DCAF16: variants seen among roughly 807,000 people sequenced by gnomAD.
DCAF16 encodes DDB1 and CUL4 associated factor 16, also known as DDB1- and CUL4-associated factor 16.
In DCAF16, 10 loss-of-function variants were observed where a neutral mutation model predicts 17.3. The observed-to-expected ratio is 0.58, with a 90% CI of 0.36 to 0.98. DCAF16 has a LOEUF of 0.98. DCAF16 is among the 50% of genes least tolerant of loss of function. The pLI is 0.01. For missense variants in DCAF16, 249 were observed against 247.6 expected, an observed-to-expected ratio of 1.01 and a Z score of -0.04; for synonymous variants, 111 against 92.8, an observed-to-expected ratio of 1.20 and a Z score of -1.12.
intron 1 of DCAF16, among the ~76,000 whole-genome samples, chr4:17,806,012 T>C (rs1720290262): frequency 6.6e-6 from 1 of 152,194 alleles, no homozygotes; most frequent in Admixed American, 6.5e-5. Context: ...AAGATAACCA[T>C]GTTGACTGAG....
At chr4:17,793,612 T>C in the DCAF16 span, among the ~76,000 whole-genome samples, 9 of 152,178 alleles carry the variant, frequency 5.9e-5, no homozygotes, top group African/African-American at 1.7e-4. Flanking sequence ...CAATATATAC[T>C]GTATGATTCC....
downstream of DCAF16, among the ~76,000 whole-genome samples, chr4:17,799,306 TGGA>T (rs1489887484): frequency 6.6e-6 from 1 of 152,138 alleles, no homozygotes; most frequent in Non-Finnish European, 1.5e-5. Flanking sequence ...GGCCAACATA[TGGA>T]TTAGGGTTTA....
At chr4:17,805,462 C>T (rs762646103) in intron 1 of DCAF16, among the ~76,000 whole-genome samples, 1 of 151,806 alleles carries the variant, frequency 6.6e-6, no homozygotes, top group Non-Finnish European at 1.5e-5. Context: ...GTATAAATTA[C>T]CAGAACTAAA....
chr4:17,807,660 T>G (rs942770571), intron 1 of DCAF16, among the ~76,000 whole-genome samples: 1 of 152,220 alleles, frequency 6.6e-6, no homozygotes, highest in Non-Finnish European at 1.5e-5. Flanking sequence ...TTAGAAGCAT[T>G]CTAGGTTCCT....
intron 1 of DCAF16, among the ~76,000 whole-genome samples, chr4:17,807,958 T>A: frequency 6.6e-6 from 1 of 152,300 alleles, no homozygotes; most frequent in African/African-American, 2.4e-5. Context: ...GTCTGGCATA[T>A]ATGAGTGGCT....
At chr4:17,798,732 C>T (rs1055709092), downstream of DCAF16, among the ~76,000 whole-genome samples, 2 of 152,208 alleles carry the variant, frequency 1.3e-5, no homozygotes, top group Non-Finnish European at 2.9e-5. Context: ...TATCCTCATC[C>T]TTTCCATTTC....
downstream of DCAF16, among the ~76,000 whole-genome samples, chr4:17,798,652 C>T (rs1719543909): frequency 6.6e-6 from 1 of 152,034 alleles, no homozygotes; most frequent in East Asian, 1.9e-4. Flanking sequence ...TTTTCCAGAG[C>T]TCATTGAGAA....
downstream of DCAF16, among the ~76,000 whole-genome samples, chr4:17,800,446 A>T (rs1719661592): frequency 6.6e-6 from 1 of 152,104 alleles, no homozygotes; most frequent in Admixed American, 6.5e-5. Flanking sequence ...ATAAACAAAT[A>T]AGCTCACTTT....
At chr4:17,796,120 G>C (rs1719414766), downstream of DCAF16, among the ~76,000 whole-genome samples, 2 of 152,196 alleles carry the variant, frequency 1.3e-5, no homozygotes, top group African/African-American at 4.8e-5. Context: ...TAAGGCTTCA[G>C]TCATCTGCTA....
At chr4:17,809,685 AAATTAACCT>A (rs1720685430) in intron 1 of DCAF16, 2 of 152,174 alleles carry the variant, frequency 1.3e-5, no homozygotes, top group Non-Finnish European at 2.9e-5. Flanking sequence ...GCTGGGTTAC[AAATTAACCT>A]GACATAGACA....
chr4:17,807,877 T>C (rs999769393), intron 1 of DCAF16, among the ~76,000 whole-genome samples: 3 of 152,216 alleles, frequency 2.0e-5, no homozygotes, highest in African/African-American at 7.2e-5. Context: ...TAAGGTCATA[T>C]GGTATGGCTT....
chr4:17,804,212 C>A lies in DCAF16; in HGVS notation c.-71G>T, dbSNP rs569239111. 34 of 1,276,404 alleles carry A rather than the reference C, an allele frequency of 2.7e-5. No individual in the cohort carries two copies. In the Middle Eastern group the frequency reaches 5.8e-4, roughly 22 times the overall value. The allele number at this position is 1,276,404 out of a possible 1,614,324, so 79.1% of individuals were successfully genotyped here. ...CCAGCAGAACACTGACTAACACTGG[C>A]AAATAGAAATAAGAGATGAAAAATC... On this transcript the variant is annotated 5_prime_UTR_variant, in exon 3 of 3. Coordinates refer to ENST00000382247, the MANE Select transcript of DCAF16 (RefSeq NM_017741.4).
intron 1 of DCAF16, among the ~76,000 whole-genome samples, chr4:17,808,147 C>T (rs933299673): frequency 1.3e-5 from 2 of 152,270 alleles, no homozygotes; most frequent in South Asian, 4.1e-4. Context: ...GATGCTACTA[C>T]AGCAATATAA....
In DCAF16 at chr4:17,803,552, GTGT is replaced by G; in HGVS notation, c.587_589del (p.Asn196del). 6.2e-7 allele frequency: 1 copy of G among 1,614,190 alleles called. No individual in the cohort carries two copies. The highest frequency in any genetic ancestry group is 8.5e-7 in the Non-Finnish European group (1 of 1,179,998). On this transcript the variant is annotated inframe_deletion, in exon 3 of 3. Coordinates refer to ENST00000382247, the MANE Select transcript of DCAF16 (RefSeq NM_017741.4). ...TTGGAAGTCAGTGTAAGAATAAGTA[GTGT>G]TGATGGGTTCAGTACGAGTTGTTTC...
At chr4:17,809,948 G>T (rs1412505824) in intron 1 of DCAF16, among the ~76,000 whole-genome samples, 1 of 152,100 alleles carries the variant, frequency 6.6e-6, no homozygotes, top group Non-Finnish European at 1.5e-5. Context: ...CCCTCTTTCT[G>T]ATACAGATCC....
downstream of DCAF16, among the ~76,000 whole-genome samples, chr4:17,798,699 G>T (rs186632399): frequency 2.0e-5 from 3 of 152,186 alleles, no homozygotes; most frequent in Admixed American, 6.5e-5. Flanking sequence ...TGGGAAGCCA[G>T]CAAGTGTCAG....
chr4:17,799,601 CAA>C (rs1719598043), downstream of DCAF16, among the ~76,000 whole-genome samples: 1 of 152,164 alleles, frequency 6.6e-6, no homozygotes, highest in African/African-American at 2.4e-5. Context: ...GAAAATAACC[CAA>C]GTGACTTCTA....
intron 1 of DCAF16, among the ~76,000 whole-genome samples, chr4:17,808,958 G>A (rs1178909463): frequency 6.6e-6 from 1 of 152,184 alleles, no homozygotes; most frequent in Non-Finnish European, 1.5e-5. Flanking sequence ...CAACCCGGGA[G>A]GCAGAGGTTG....
chr4:17,805,524 A>ACCAC (rs1214199099), intron 1 of DCAF16, among the ~76,000 whole-genome samples: 3 of 152,234 alleles, frequency 2.0e-5, no homozygotes, highest in African/African-American at 7.2e-5. Flanking sequence ...TTAGTTCCTG[A>ACCAC]CCACCATGTA....
Sources: gnomAD v4.1 joint callset for allele counts (sites outside exome capture counted in the v4.1 genomes callset) on GRCh38, gnomAD v4.1.1 for gene constraint, MANE v1.5 for transcripts, NCBI Gene and HGNC (gene_info 2026-07-23, HGNC 2026-07-21) for gene names.